FSTL5: variants seen among roughly 807,000 people sequenced by gnomAD.
The protein encoded by FSTL5 is follistatin like 5.
A neutral mutation model predicts 89.1 loss-of-function variants in FSTL5; 62 were observed. That is an observed-to-expected ratio of 0.70 (90% confidence interval 0.57 to 0.86). FSTL5 has a LOEUF of 0.86. Ranked by LOEUF, FSTL5 falls within the 40% of genes least tolerant of loss-of-function variation. FSTL5 has a pLI of 0.00. For missense variants in FSTL5, 1,057 were observed against 1,001.6 expected (o/e 1.06, Z -0.75); for synonymous variants, 383 against 346.2 (o/e 1.11, Z -1.18).
chr4:161,605,441 A>C (rs543657282), intron 7 of FSTL5, among the ~76,000 whole-genome samples: 1 of 152,302 alleles, frequency 6.6e-6, no homozygotes, highest in African/African-American at 2.4e-5. Flanking sequence ...AAAATTGAAG[A>C]GTATATCTAT....
At chr4:161,754,600 C>A (rs866174434) in intron 6 of FSTL5, among the ~76,000 whole-genome samples, 27 of 152,172 alleles carry the variant, frequency 1.8e-4, no homozygotes, top group Middle Eastern at 3.4e-3. Context: ...AACAAAAATT[C>A]TATCTCTGGG....
At chr4:161,872,320 A>T (rs116391402) in intron 4 of FSTL5, among the ~76,000 whole-genome samples, 2 of 151,838 alleles carry the variant, frequency 1.3e-5, no homozygotes, top group Non-Finnish European at 2.9e-5. Flanking sequence ...AAATTTCACA[A>T]CTACGTATTT....
chr4:161,981,964 T>G (rs181443778), intron 3 of FSTL5, among the ~76,000 whole-genome samples: 10 of 152,330 alleles, frequency 6.6e-5, no homozygotes, highest in African/African-American at 1.9e-4. Context: ...TAGGAAGAGA[T>G]AATATTTTGG....
At chr4:161,872,503 G>A (rs950739536) in intron 4 of FSTL5, among the ~76,000 whole-genome samples, 3 of 152,094 alleles carry the variant, frequency 2.0e-5, no homozygotes, top group Admixed American at 1.3e-4. Context: ...AGGAAGTACT[G>A]GCCAAGGCTA....
rs761456854 is a variant in FSTL5 at position 161,481,147 on chromosome 4, T to C, written c.1481A>G (p.Glu494Gly). ...GFQDEVCPKA[E>G]GDEVQRCVWA... ...CACACACCTCTGAACTTCATCTCCC[T>C]CAGCTTTGGGACAGACTTCATCCTG... The change falls in exon 13 of 16, where the codon GAG (glutamate) becomes GGG (glycine). Residue 494 changes from glutamate to glycine, a missense_variant. Glu to Gly is a moderately conservative substitution (Grantham distance 98, BLOSUM62 -2). This residue lies in a region of FSTL5 where 980 missense variants were observed against 903.2 expected (regional missense o/e 1.08). Coordinates refer to ENST00000306100, the MANE Select transcript of FSTL5 (RefSeq NM_020116.5). 8.7e-6 allele frequency: 14 copies of C among 1,611,040 alleles called. No homozygotes were observed. In the South Asian group the frequency reaches 1.4e-4, roughly 17 times the overall value.
intron 8 of FSTL5, among the ~76,000 whole-genome samples, chr4:161,568,065 C>G (rs546868029): frequency 1.3e-5 from 2 of 151,474 alleles, no homozygotes; most frequent in African/African-American, 2.4e-5. Context: ...GCTCTGTCTC[C>G]GTGTGCTGAA....
At chr4:161,934,460 T>C (rs141369432) in intron 3 of FSTL5, among the ~76,000 whole-genome samples, 1,575 of 152,124 alleles carry the variant, frequency 0.01, 14 homozygotes, top group Middle Eastern at 0.027. Context: ...TCAAAAAAAA[T>C]TGGACTGCCC....
At chr4:162,141,085 T>G (rs1301931773) in intron 1 of FSTL5, among the ~76,000 whole-genome samples, 3 of 147,756 alleles carry the variant, frequency 2.0e-5, no homozygotes, top group African/African-American at 5.0e-5. Context: ...CTTAAGAGTG[T>G]GGCACCTCCC....
chr4:161,675,535 A>G lies in FSTL5; in HGVS notation c.728-19041T>C, dbSNP rs538047299. On this transcript the variant is annotated intron_variant, in intron 6 of 15. Coordinates refer to ENST00000306100, the MANE Select transcript of FSTL5 (RefSeq NM_020116.5). ...TTATATAATTCATTTTTTATTTATCAAAATTCTCAGTAATTTTAAAAAACA... is the reference window on the plus strand; with the variant it reads ...TTATATAATTCATTTTTTATTTATCGAAATTCTCAGTAATTTTAAAAAACA... Among the ~76,000 whole-genome samples, 3 of 139,260 alleles carry G rather than the reference A, an allele frequency of 2.2e-5. No homozygotes were observed. In the East Asian group the frequency reaches 6.8e-4, roughly 32 times the overall value. 91.4% of individuals were successfully genotyped at this position (139,260 alleles called of 152,430 possible). A position where few individuals can be genotyped will look rare whatever the true frequency, so the allele number is the denominator to read the frequency against.
intron 10 of FSTL5, among the ~76,000 whole-genome samples, chr4:161,530,008 TTAA>T (rs1427211188): frequency 7.0e-6 from 1 of 143,414 alleles, no homozygotes; most frequent in Non-Finnish European, 1.5e-5. Flanking sequence ...TCTGTAGAGA[TTAA>T]TAAGATCCTA....
intron 10 of FSTL5, among the ~76,000 whole-genome samples, chr4:161,517,923 A>T (rs1354609534): frequency 6.6e-6 from 1 of 152,242 alleles, no homozygotes; most frequent in Non-Finnish European, 1.5e-5. Flanking sequence ...AAAATAAAAA[A>T]TGTGGATAAA....
chr4:161,878,782 GTTA>G (rs1257416197), intron 4 of FSTL5, among the ~76,000 whole-genome samples: 1 of 152,022 alleles, frequency 6.6e-6, no homozygotes. Flanking sequence ...CATTTCTATG[GTTA>G]TTATATTTAA....
At chr4:162,075,099 T>C (rs1420195279) in intron 2 of FSTL5, among the ~76,000 whole-genome samples, 1 of 151,794 alleles carries the variant, frequency 6.6e-6, no homozygotes, top group African/African-American at 2.4e-5. Flanking sequence ...AAGTTATTAA[T>C]ATACAATTTG....
intron 4 of FSTL5, among the ~76,000 whole-genome samples, chr4:161,816,736 CAG>C (rs1203849615): frequency 6.6e-6 from 1 of 152,058 alleles, no homozygotes; most frequent in African/African-American, 2.4e-5. Context: ...CCAAACAGGA[CAG>C]AGAGAGATAA....
chr4:162,156,730 T>C (rs1292668042), intron 1 of FSTL5, among the ~76,000 whole-genome samples: 1 of 152,072 alleles, frequency 6.6e-6, no homozygotes, highest in Admixed American at 6.6e-5. Flanking sequence ...TAGCAAGCAC[T>C]GGAGTCTACA....
At chr4:161,958,257 T>G (rs1735077926) in intron 3 of FSTL5, among the ~76,000 whole-genome samples, 1 of 152,080 alleles carries the variant, frequency 6.6e-6, no homozygotes, top group East Asian at 1.9e-4. Context: ...GTAAAATAAG[T>G]TATAATATTT....
At chr4:162,142,495 TAAAGA>T (rs1269261836) in intron 1 of FSTL5, among the ~76,000 whole-genome samples, 1 of 152,040 alleles carries the variant, frequency 6.6e-6, no homozygotes, top group African/African-American at 2.4e-5. Flanking sequence ...TGGCATAAAA[TAAAGA>T]AGAGAAACAG....
rs1197656313 is a variant in FSTL5, at chr4:161,438,000, T to C, written c.1841+17004A>G. Among the ~76,000 whole-genome samples, 3 of 152,130 alleles carry C rather than the reference T, an allele frequency of 2.0e-5. No homozygotes were observed. The East Asian group carries it at 5.8e-4, about 29-fold the overall frequency. On this transcript the variant is annotated intron_variant, in intron 15 of 15. Transcript: ENST00000306100. ...GTCTTTTTCTCATGTTGGCGGAGGA[T>C]TAATGGTCTATAAATGACAGTGTAG... is the stretch of plus-strand genomic sequence containing the variant.
At chr4:161,862,478 T>C (rs569427690) in intron 4 of FSTL5, among the ~76,000 whole-genome samples, 1 of 152,246 alleles carries the variant, frequency 6.6e-6, no homozygotes, top group East Asian at 1.9e-4. Context: ...CTCACACCTG[T>C]AATCCTAGCA....
Sources: allele counts gnomAD v4.1 joint callset (sites outside exome capture counted in the v4.1 genomes callset), GRCh38; gene constraint gnomAD v4.1.1; regional missense constraint gnomAD v4.1.1; transcripts MANE v1.5; gene names NCBI Gene and HGNC (gene_info 2026-07-23, HGNC 2026-07-21).